The following ADAMTS20 variants were observed in gnomAD, a reference collection of about 807,000 sequenced individuals.
ADAMTS20 encodes the protein ADAM metallopeptidase with thrombospondin type 1 motif 20.
Under a neutral mutation model 260.1 loss-of-function variants are expected in ADAMTS20, and 225 were observed. That is an observed-to-expected ratio of 0.87 (90% CI 0.78 to 0.97). The LOEUF (loss-of-function observed/expected upper bound fraction) is 0.97, where lower values mean the gene tolerates loss of function less well. ADAMTS20 is among the 50% of genes least tolerant of loss of function. ADAMTS20 has a pLI of 0.00. For synonymous variants in ADAMTS20, 802 were observed against 769.5 expected (o/e 1.04, Z -0.70); for missense variants, 2,400 against 2,337.7 (o/e 1.03, Z -0.55).
intron 37 of ADAMTS20, among the ~76,000 whole-genome samples, chr12:43,361,626 TA>T (rs774826308): frequency 2.0e-5 from 3 of 152,196 alleles, no homozygotes; most frequent in Non-Finnish European, 4.4e-5. Flanking sequence ...TCGCAGTTTA[TA>T]GCTATATAAC....
At position 43,461,447 on chromosome 12, in the gene ADAMTS20, C is replaced by T. The variant is rs79060080; in HGVS notation, c.1614+1448G>A. ...AATTTCAAAAAATCATGTTTATGCC[C>T]TAACTGGATTTAGAATATTAATAAA... On this transcript the variant is annotated intron_variant, in intron 11 of 38. Coordinates refer to ENST00000389420, the MANE Select transcript of ADAMTS20 (RefSeq NM_025003.5). Among the ~76,000 whole-genome samples, 1,315 of 152,120 alleles carry T rather than the reference C, an allele frequency of 8.6e-3. 22 individuals carry two copies. The highest frequency in any genetic ancestry group is 0.03 in the African/African-American group (1,252 of 41,502).
intron 29 of ADAMTS20, among the ~76,000 whole-genome samples, chr12:43,388,292 C>T (rs1010443605): frequency 6.6e-6 from 1 of 152,162 alleles, no homozygotes. Flanking sequence ...AGTTTCCTGA[C>T]CCCTTGTGCT....
At chr12:43,444,111 T>G (rs1295368985) in intron 15 of ADAMTS20, among the ~76,000 whole-genome samples, 2 of 152,198 alleles carry the variant, frequency 1.3e-5, no homozygotes, top group Non-Finnish European at 2.9e-5. Flanking sequence ...TCTTAACTTT[T>G]CCTAATCTTT....
chr12:43,481,976 C>A (rs1942449129), intron 7 of ADAMTS20, among the ~76,000 whole-genome samples: 1 of 152,090 alleles, frequency 6.6e-6, no homozygotes, highest in South Asian at 2.1e-4. Context: ...GCCACCGTGA[C>A]ACACACTCCC....
intron 2 of ADAMTS20, among the ~76,000 whole-genome samples, chr12:43,542,381 C>G (rs556458091): frequency 1.3e-5 from 2 of 152,202 alleles, no homozygotes; most frequent in South Asian, 2.1e-4. Flanking sequence ...CATATAATAT[C>G]TAGAGGGACA....
chr12:43,491,011 T>C (rs998516591), intron 6 of ADAMTS20, among the ~76,000 whole-genome samples: 2 of 152,050 alleles, frequency 1.3e-5, no homozygotes, highest in Non-Finnish European at 2.9e-5. Context: ...TATAACATAA[T>C]ACTATGTATA....
chr12:43,544,078 G>C (rs1434487333), intron 2 of ADAMTS20, among the ~76,000 whole-genome samples: 1 of 152,062 alleles, frequency 6.6e-6, no homozygotes, highest in Non-Finnish European at 1.5e-5. Context: ...TTGCATATTA[G>C]TAAGAGTTGG....
At chr12:43,528,603 C>T (rs1943179253) in intron 3 of ADAMTS20, among the ~76,000 whole-genome samples, 1 of 151,780 alleles carries the variant, frequency 6.6e-6, no homozygotes, top group African/African-American at 2.4e-5. Flanking sequence ...TAGATAGTCA[C>T]CTGTAGAAGA....
At chr12:43,439,593 C>T (rs1200997448) in intron 18 of ADAMTS20, 29 bp downstream of exon 18, 2 of 1,582,816 alleles carry the variant, frequency 1.3e-6, no homozygotes, top group Admixed American at 3.7e-5. Flanking sequence ...CACAGTCAGT[C>T]TTTTCTCCCT....
intron 2 of ADAMTS20, among the ~76,000 whole-genome samples, chr12:43,539,115 G>C (rs1279502259): frequency 6.6e-6 from 1 of 151,932 alleles, no homozygotes; most frequent in Non-Finnish European, 1.5e-5. Flanking sequence ...ACCGCGCCCA[G>C]GTAATTTTTG....
intron 9 of ADAMTS20, among the ~76,000 whole-genome samples, chr12:43,465,225 G>A (rs1341611554): frequency 6.6e-6 from 1 of 152,018 alleles, no homozygotes; most frequent in African/African-American, 2.4e-5. Flanking sequence ...ACCTCAAGAG[G>A]TCTTTCAAGG....
At chr12:43,509,605 T>G (rs1050846555) in intron 3 of ADAMTS20, among the ~76,000 whole-genome samples, 4 of 152,096 alleles carry the variant, frequency 2.6e-5, no homozygotes, top group Non-Finnish European at 5.9e-5. Context: ...TATATGGGTA[T>G]AATAACATCA....
chr12:43,472,075 T>C (rs1235873588), intron 7 of ADAMTS20, among the ~76,000 whole-genome samples: 3 of 151,466 alleles, frequency 2.0e-5, no homozygotes, highest in Non-Finnish European at 4.4e-5. Flanking sequence ...GGCAGAGAAG[T>C]TGAAAACTTT....
intron 4 of ADAMTS20, among the ~76,000 whole-genome samples, chr12:43,500,860 T>C (rs1013664660): frequency 6.6e-6 from 1 of 152,048 alleles, no homozygotes; most frequent in African/African-American, 2.4e-5. Flanking sequence ...TTTAGAAAAA[T>C]GATTGTCTCT....
intron 4 of ADAMTS20, among the ~76,000 whole-genome samples, chr12:43,496,571 G>A (rs981730305): frequency 6.6e-6 from 1 of 152,196 alleles, no homozygotes; most frequent in African/African-American, 2.4e-5. Context: ...CTGGTCTTTA[G>A]TTCCAGCTCT....
intron 38 of ADAMTS20, among the ~76,000 whole-genome samples, chr12:43,354,962 A>G (rs1939712767): frequency 6.6e-6 from 1 of 152,212 alleles, no homozygotes; most frequent in Admixed American, 6.6e-5. Context: ...GTTGGTCAGG[A>G]CGTGATAGAC....
At chr12:43,379,368 A>G (rs1004387093) in intron 31 of ADAMTS20, among the ~76,000 whole-genome samples, 1 of 152,200 alleles carries the variant, frequency 6.6e-6, no homozygotes, top group Non-Finnish European at 1.5e-5. Flanking sequence ...GCTCCAGTGT[A>G]TTAATGGGAT....
intron 29 of ADAMTS20, among the ~76,000 whole-genome samples, chr12:43,395,286 T>G (rs1188039776): frequency 1.3e-5 from 2 of 152,140 alleles, no homozygotes; most frequent in Non-Finnish European, 2.9e-5. Flanking sequence ...TCACAGATTC[T>G]TAGGAGCTTT....
chr12:43,551,234 A>G lies in ADAMTS20; in HGVS notation c.128T>C (p.Val43Ala). 1 of 1,613,772 alleles carries G rather than the reference A, an allele frequency of 6.2e-7. No homozygotes were observed. Among genetic ancestry groups the G allele is most frequent in the Non-Finnish European group, 8.5e-7 (1 of 1,179,822 alleles). ...LVRTLTSYEV[V>A]IPERVNEFGE... ...AAACTCATTGACCCGCTCGGGGATC[A>G]CTACTTCGTAGGAGGTCAGTGTCCT... is the stretch of plus-strand genomic sequence containing the variant. The change falls in exon 2 of 39, where the codon GTG (valine) becomes GCG (alanine). Residue 43 changes from valine (V) to alanine (A), a missense_variant. By Grantham distance (64) the Val-to-Ala change is moderately conservative. Coordinates refer to ENST00000389420, the MANE Select transcript of ADAMTS20 (RefSeq NM_025003.5). The surrounding 1 kb of genome is among the most constrained non-coding windows in gnomAD (Gnocchi z 4.6).
Sources: gnomAD v4.1 joint callset for allele counts (sites outside exome capture counted in the v4.1 genomes callset) on GRCh38, gnomAD v4.1.1 for gene constraint, Gnocchi (gnomAD v3.1) non-coding constraint, MANE v1.5 for transcripts, NCBI Gene and HGNC (gene_info 2026-07-23, HGNC 2026-07-21) for gene names.